Variants in ACOT13 observed in about 807,000 individuals in gnomAD.
ACOT13 encodes the protein acyl-CoA thioesterase 13, also known as acyl-coenzyme A thioesterase 13.
A neutral mutation model predicts 11.8 loss-of-function variants in ACOT13; 10 were observed. That is an observed-to-expected ratio of 0.85 (90% confidence interval 0.53 to 1.44). The LOEUF is 1.44. Among genes scored for constraint, ACOT13 ranks in the 40% most tolerant of loss-of-function variants. ACOT13 has a pLI of 0.00. For missense variants in ACOT13, 172 were observed against 174.1 expected, an observed-to-expected ratio of 0.99 and a Z score of 0.07; for synonymous variants, 53 against 61.0, an observed-to-expected ratio of 0.87 and a Z score of 0.61.
rs552260993 is a variant in ACOT13 at position 24,704,895 on chromosome 6, A to C, written c.*3280A>C. ...TCACCTGAATAGTCAGGGAACTTTC[A>C]CCTATTTTATTTAGGTTTTCTTTTT... On this transcript the variant is annotated 3_prime_UTR_variant, in exon 3 of 3. Transcript: ENST00000230048. The C allele has an allele frequency of 1.8e-4, 27 of 152,436 alleles. No homozygotes were observed. The highest frequency in any genetic ancestry group is 6.5e-4 in the African/African-American group (27 of 41,566). The allele number at this position is 152,436 out of a possible 1,614,324, so 9.4% of individuals were successfully genotyped here.
At chr6:24,677,536 G>T (rs1357246171) in intron 1 of ACOT13, among the ~76,000 whole-genome samples, 1 of 152,208 alleles carries the variant, frequency 6.6e-6, no homozygotes, top group African/African-American at 2.4e-5. Flanking sequence ...TATGCCACAG[G>T]TTGCAAGCTG....
chr6:24,697,855 T>A, intron 1 of ACOT13, 28 bp from the exon 2 acceptor site: 1 of 1,551,038 alleles, frequency 6.4e-7, no homozygotes, highest in Non-Finnish European at 8.7e-7. Flanking sequence ...ACAGAATTAA[T>A]GTTCAGGATT....
At chr6:24,699,425 T>C (rs570815377) in intron 2 of ACOT13, among the ~76,000 whole-genome samples, 3 of 152,318 alleles carry the variant, frequency 2.0e-5, no homozygotes, top group Admixed American at 2.0e-4. Context: ...TTAGCCAGGC[T>C]GGTCTCGATC....
At chr6:24,681,379 C>T (rs529287434) in intron 1 of ACOT13, among the ~76,000 whole-genome samples, 130 of 152,296 alleles carry the variant, frequency 8.5e-4, no homozygotes, top group African/African-American at 2.8e-3. Flanking sequence ...TTTTGGGCTA[C>T]GCCCTTATTT....
intron 1 of ACOT13, among the ~76,000 whole-genome samples, chr6:24,684,410 A>G (rs979148624): frequency 3.9e-5 from 6 of 152,194 alleles, no homozygotes; most frequent in Admixed American, 3.9e-4. Flanking sequence ...TAATCTTGCC[A>G]TGGGTTGGAT....
chr6:24,682,263 G>A (rs1356399648), intron 1 of ACOT13, among the ~76,000 whole-genome samples: 2 of 152,204 alleles, frequency 1.3e-5, no homozygotes, highest in African/African-American at 2.4e-5. Context: ...ATTACTCACC[G>A]CTTTGGATGT....
chr6:24,694,056 C>T (rs9467258), intron 1 of ACOT13, among the ~76,000 whole-genome samples: 3,598 of 152,100 alleles, frequency 0.024, 131 homozygotes, highest in African/African-American at 0.078. Flanking sequence ...AGAGACAGCA[C>T]GATATAAGGC....
At chr6:24,672,060 G>A (rs780785545) in intron 1 of ACOT13, among the ~76,000 whole-genome samples, 1 of 152,110 alleles carries the variant, frequency 6.6e-6, no homozygotes, top group African/African-American at 2.4e-5. Context: ...GACTAATTAG[G>A]TCAGAAAAAG....
intron 2 of ACOT13, 95 bp downstream of exon 2, chr6:24,698,162 T>C (rs1286508651): frequency 7.3e-6 from 8 of 1,089,598 alleles, no homozygotes; most frequent in Non-Finnish European, 9.9e-6. Flanking sequence ...ACGCATGAGA[T>C]TCAATTAGCT....
Position 24,703,103 on chromosome 6 carries a change from C to T in ACOT13, c.*1488C>T, listed in dbSNP as rs550740549. The T allele has an allele frequency of 6.6e-6, 1 of 152,446 alleles. No individual in the cohort carries two copies. Among genetic ancestry groups the T allele is most frequent in the African/African-American group, 2.4e-5 (1 of 41,558 alleles). The allele number at this position is 152,446 out of a possible 1,614,324, so 9.4% of individuals were successfully genotyped here. On this transcript the variant is annotated 3_prime_UTR_variant, in exon 3 of 3. Transcript: ENST00000230048. ...TGTTGCCCAGCCTCGTCTCAAACTC[C>T]TAGGCTCAAGCAATCCTCCTGCCTT... is the stretch of plus-strand genomic sequence containing the variant.
chr6:24,699,354 C>T (rs1035742808), intron 2 of ACOT13, among the ~76,000 whole-genome samples: 53 of 152,050 alleles, frequency 3.5e-4, no homozygotes, highest in African/African-American at 1.2e-3. Flanking sequence ...GGACTACAGG[C>T]GCCTGCCACC....
At position 24,697,880 on chromosome 6, in the gene ACOT13, T is replaced by C; in HGVS notation, c.82-3T>C. The C allele has an allele frequency of 6.3e-7, 1 of 1,591,524 alleles. No homozygotes were observed. The highest frequency in any genetic ancestry group is 8.5e-7 in the Non-Finnish European group (1 of 1,171,564). On this transcript the variant is annotated splice_polypyrimidine_tract_variant and splice_region_variant and intron_variant, in intron 1 of 2. Transcript: ENST00000230048. ...TGTTCAGGATTCTTTTTTTTACACT[T>C]AGATTACTCTTGTCTCTGCTGCTCC...
intron 1 of ACOT13, among the ~76,000 whole-genome samples, chr6:24,672,249 T>C (rs1018859949): frequency 1.3e-5 from 2 of 152,242 alleles, no homozygotes; most frequent in Admixed American, 6.5e-5. Context: ...GGGACTTAAC[T>C]TTCCAAACAA....
chr6:24,684,613 C>T (rs1271333637), intron 1 of ACOT13, among the ~76,000 whole-genome samples: 1 of 144,892 alleles, frequency 6.9e-6, no homozygotes, highest in African/African-American at 2.6e-5. Context: ...ACAATGTAAG[C>T]TACAATGTGA....
intron 1 of ACOT13, among the ~76,000 whole-genome samples, chr6:24,678,399 C>T (rs1048404585): frequency 2.0e-5 from 3 of 152,140 alleles, no homozygotes; most frequent in East Asian, 3.9e-4. Context: ...TTCTGTACTC[C>T]TAAAACTGGA....
At chr6:24,679,950 A>G (rs1390490534) in intron 1 of ACOT13, among the ~76,000 whole-genome samples, 3 of 152,098 alleles carry the variant, frequency 2.0e-5, no homozygotes, top group Non-Finnish European at 4.4e-5. Context: ...TGCTCCTCAC[A>G]TTGCTTGGAG....
intron 1 of ACOT13, among the ~76,000 whole-genome samples, chr6:24,691,915 A>G (rs764808016): frequency 4.6e-5 from 7 of 152,244 alleles, no homozygotes; most frequent in African/African-American, 9.6e-5. Context: ...TGCTGAAGGC[A>G]TATCACTTTT....
chr6:24,702,584 T>C lies in ACOT13; in HGVS notation c.*969T>C, dbSNP rs1156946407. 1 of 152,208 alleles carries C rather than the reference T, an allele frequency of 6.6e-6. No homozygotes were observed. Among genetic ancestry groups the C allele is most frequent in the Non-Finnish European group, 1.5e-5 (1 of 68,050 alleles). 9.4% of individuals were successfully genotyped at this position (152,208 alleles called of 1,614,324 possible). On this transcript the variant is annotated 3_prime_UTR_variant, in exon 3 of 3. Transcript: ENST00000230048. ...GCAATGGCCAATCCTTAGCGAATCT[T>C]AGGTCCTTCCCAGATCTAAAATGCC...
At chr6:24,670,926 C>T (rs1458801084) in intron 1 of ACOT13, among the ~76,000 whole-genome samples, 1 of 152,046 alleles carries the variant, frequency 6.6e-6, no homozygotes, top group South Asian at 2.1e-4. Context: ...GTAACAATCT[C>T]CAAAGTTAAT....
Sources: allele counts gnomAD v4.1 joint callset (sites outside exome capture counted in the v4.1 genomes callset), GRCh38; gene constraint gnomAD v4.1.1; transcripts MANE v1.5; gene names NCBI Gene and HGNC (gene_info 2026-07-23, HGNC 2026-07-21).